The following SGSM1 variants were observed in gnomAD, a reference collection of about 807,000 sequenced individuals.
SGSM1 encodes small G protein signaling modulator 1.
SGSM1 carries 73 observed loss-of-function variants against 133.8 expected under a neutral mutation model. The observed-to-expected ratio is 0.55, with a 90% CI of 0.45 to 0.66. The LOEUF is 0.66. SGSM1 is among the 30% of genes least tolerant of loss of function. The pLI is 0.00. For missense variants in SGSM1, 1,213 were observed against 1,448.1 expected (o/e 0.84, Z 2.64); for synonymous variants, 563 against 573.0 (o/e 0.98, Z 0.25).
chr22:24,836,951 G>A (rs139647), intron 2 of SGSM1, among the ~76,000 whole-genome samples: 52,479 of 152,072 alleles, frequency 0.35, 9,388 homozygotes, highest in African/African-American at 0.43. Context: ...TTTTAATTTT[G>A]TTGCTCATGC....
chr22:24,905,002 G>C, intron 20 of SGSM1, 103 bp from the exon 21 acceptor site: 1 of 897,598 alleles, frequency 1.1e-6, no homozygotes, highest in Non-Finnish European at 1.9e-6. Context: ...TGAGGGAGGG[G>C]TCCAGGTGAG....
chr22:24,895,790 A>G (rs1376335131), intron 18 of SGSM1, among the ~76,000 whole-genome samples: 1 of 152,210 alleles, frequency 6.6e-6, no homozygotes, highest in Admixed American at 6.5e-5. Flanking sequence ...TCACACTTGT[A>G]ATCCCAGCAC....
At chr22:24,884,991 C>A (rs1932520783) in intron 15 of SGSM1, among the ~76,000 whole-genome samples, 1 of 151,892 alleles carries the variant, frequency 6.6e-6, no homozygotes, top group Non-Finnish European at 1.5e-5. Flanking sequence ...CTCTTGTTGC[C>A]CAGGCTGGAG....
chr22:24,827,130 A>C (rs1036279995), intron 2 of SGSM1, among the ~76,000 whole-genome samples: 2 of 152,074 alleles, frequency 1.3e-5, no homozygotes, highest in Non-Finnish European at 2.9e-5. Flanking sequence ...AACCCAGCCC[A>C]GTGTGGGGAG....
In SGSM1 at chr22:24,835,543, A is replaced by G. The variant is rs1295087167; in HGVS notation, c.64-9354A>G. ...CTATGGAGAGAAAAAAGGCAGAAAA[A>G]GGGGTATGTTGGGTACCAAGTGGGG... On this transcript the variant is annotated intron_variant, in intron 2 of 24. Transcript: ENST00000400358. Among the ~76,000 whole-genome samples the G allele has an allele frequency of 4.6e-5, 7 of 152,188 alleles. 1 individual carries two copies. Among genetic ancestry groups the G allele is most frequent in the Admixed American group, 4.6e-4 (7 of 15,286 alleles).
At chr22:24,855,827 A>G in intron 8 of SGSM1, 147 bp downstream of exon 8, 1 of 1,170,518 alleles carries the variant, frequency 8.5e-7, no homozygotes, top group South Asian at 1.3e-5. Flanking sequence ...ACACTCATTC[A>G]TCCATCCATC....
Position 24,893,536 on chromosome 22 carries a change from G to A in SGSM1, c.1876G>A (p.Ala626Thr), listed in dbSNP as rs1426193615. 2 of 1,609,562 alleles carry A rather than the reference G, an allele frequency of 1.2e-6. No individual in the cohort carries two copies. The highest frequency in any genetic ancestry group is 1.7e-6 in the Non-Finnish European group (2 of 1,178,118). Residue 626 changes from alanine (A) to threonine (T), a missense_variant, in exon 17 of 25, where the codon GCC (alanine) becomes ACC (threonine). Coordinates refer to ENST00000400358, the MANE Select transcript of SGSM1 (RefSeq NM_001098497.3). ...GCGGGAGTCCCATGCGGCCGCCCTG[G>A]CCAAATGCTCATCCGGGGCCAGCTT... Reference protein sequence around the residue: ...RERESHAAALAKCSSGASLDS... With the variant: ...RERESHAAALTKCSSGASLDS...
intron 13 of SGSM1, among the ~76,000 whole-genome samples, chr22:24,879,012 C>T (rs1362790362): frequency 2.0e-5 from 3 of 152,208 alleles, no homozygotes; most frequent in Non-Finnish European, 4.4e-5. Flanking sequence ...CATCCTCAGA[C>T]AGGTGCTTCC....
chr22:24,900,304 C>T (rs867074295), intron 19 of SGSM1, among the ~76,000 whole-genome samples: 3 of 151,856 alleles, frequency 2.0e-5, no homozygotes, highest in Admixed American at 6.6e-5. Context: ...CAGGCATGAA[C>T]CAGTGCACCC....
At chr22:24,902,368 A>C (rs1933198050) in intron 20 of SGSM1, among the ~76,000 whole-genome samples, 1 of 152,164 alleles carries the variant, frequency 6.6e-6, no homozygotes, top group Non-Finnish European at 1.5e-5. Context: ...ACTGGTTATT[A>C]CTGTTCACTA....
intron 5 of SGSM1, among the ~76,000 whole-genome samples, chr22:24,851,170 T>C (rs1930445292): frequency 6.6e-6 from 1 of 152,078 alleles, no homozygotes; most frequent in Non-Finnish European, 1.5e-5. Context: ...TCCACTAGTT[T>C]AGATTAATCT....
At chr22:24,854,815 T>TA (rs1473907822) in intron 5 of SGSM1, among the ~76,000 whole-genome samples, 181 bp from the exon 6 acceptor site, 3 of 151,962 alleles carry the variant, frequency 2.0e-5, no homozygotes, top group East Asian at 1.9e-4. Context: ...GACCTTATCT[T>TA]AAAAAAAAGA....
intron 2 of SGSM1, among the ~76,000 whole-genome samples, chr22:24,829,102 A>G (rs1928963784): frequency 6.6e-6 from 1 of 152,136 alleles, no homozygotes; most frequent in Non-Finnish European, 1.5e-5. Context: ...AGGCTGAGGC[A>G]GGAGAATGGC....
chr22:24,827,569 G>C (rs762090944), intron 2 of SGSM1, among the ~76,000 whole-genome samples: 4 of 152,060 alleles, frequency 2.6e-5, no homozygotes, highest in African/African-American at 9.7e-5. Context: ...GCTGAAGGAC[G>C]CCTCAGCAGC....
chr22:24,829,524 C>T (rs1385646973), intron 2 of SGSM1, among the ~76,000 whole-genome samples: 2 of 152,138 alleles, frequency 1.3e-5, no homozygotes, highest in East Asian at 1.9e-4. Flanking sequence ...GAACTTAAAA[C>T]GTTTGTTTTT....
Position 24,893,588 on chromosome 22 carries a change from A to T in SGSM1, c.1928A>T (p.His643Leu). ...SLDSHLHRML[H>L]RDSTISNESS... ...GACAGCCACCTGCACCGGATGTTGC[A>T]CAGGGACTCAACCATCAGCAATGAG... Residue 643 changes from histidine (H) to leucine (L), a missense_variant, in exon 17 of 25, where the codon CAC becomes CTC. Coordinates refer to ENST00000400358, the MANE Select transcript of SGSM1 (RefSeq NM_001098497.3). The T allele has an allele frequency of 6.3e-7, 1 of 1,583,816 alleles. No individual in the cohort carries two copies. Among genetic ancestry groups the T allele is most frequent in the Non-Finnish European group, 8.6e-7 (1 of 1,165,948 alleles).
At chr22:24,887,815 C>A (rs761965327) in intron 16 of SGSM1, among the ~76,000 whole-genome samples, 2 of 152,304 alleles carry the variant, frequency 1.3e-5, no homozygotes, top group East Asian at 3.9e-4. Flanking sequence ...TTTTCTGTGT[C>A]CACCAGCAAA....
At chr22:24,892,943 C>T (rs1273133516) in intron 16 of SGSM1, among the ~76,000 whole-genome samples, 2 of 151,278 alleles carry the variant, frequency 1.3e-5, no homozygotes. Context: ...TGCCTGTAGT[C>T]CCAGCTACTC....
intron 2 of SGSM1, among the ~76,000 whole-genome samples, chr22:24,828,825 A>C (rs1255120482): frequency 1.3e-5 from 2 of 152,228 alleles, no homozygotes; most frequent in African/African-American, 2.4e-5. Flanking sequence ...GAATCAACTT[A>C]AATGCCCATC....
Sources: allele counts gnomAD v4.1 joint callset (sites outside exome capture counted in the v4.1 genomes callset), GRCh38; gene constraint gnomAD v4.1.1; transcripts MANE v1.5; gene names NCBI Gene and HGNC (gene_info 2026-07-23, HGNC 2026-07-21).